Variants in ST6GALNAC5 observed in about 807,000 individuals in gnomAD.
The protein encoded by ST6GALNAC5 is alpha-N-acetylgalactosaminide alpha-2,6-sialyltransferase 5.
Under a neutral mutation model 33.6 loss-of-function variants are expected in ST6GALNAC5, and 27 were observed. The ratio of observed to expected loss-of-function variants is 0.80; its 90% confidence interval spans 0.59 to 1.11. ST6GALNAC5 has a LOEUF of 1.11. ST6GALNAC5 is among the 50% of genes least tolerant of loss of function. ST6GALNAC5 has a pLI of 0.00. For synonymous variants in ST6GALNAC5, 194 were observed against 171.2 expected (o/e 1.13, Z -1.04); for missense variants, 428 against 454.0 (o/e 0.94, Z 0.52).
At chr1:77,013,295 A>C (rs542459238) in intron 2 of ST6GALNAC5, among the ~76,000 whole-genome samples, 1 of 152,118 alleles carries the variant, frequency 6.6e-6, no homozygotes, top group Non-Finnish European at 1.5e-5. Flanking sequence ...GCACAATTTC[A>C]TGCTAATATT....
At chr1:76,922,906 C>T (rs555338608) in intron 2 of ST6GALNAC5, among the ~76,000 whole-genome samples, 2 of 150,004 alleles carry the variant, frequency 1.3e-5, no homozygotes, top group African/African-American at 2.5e-5. Flanking sequence ...ACTACACTCC[C>T]GCCTAGGTGA....
chr1:76,926,323 A>G (rs1647085196), intron 2 of ST6GALNAC5, among the ~76,000 whole-genome samples: 1 of 152,128 alleles, frequency 6.6e-6, no homozygotes, highest in Admixed American at 6.6e-5. Flanking sequence ...TAGAAAACTC[A>G]ACTATCACCC....
intron 2 of ST6GALNAC5, among the ~76,000 whole-genome samples, chr1:76,994,058 T>C (rs184631016): frequency 3.3e-5 from 5 of 152,312 alleles, no homozygotes; most frequent in African/African-American, 4.8e-5. Context: ...ATTATAAATA[T>C]ATTTTTCTTA....
rs533558445 is a variant in ST6GALNAC5, at chr1:76,890,907, T to TGATTA, written c.261+22166_261+22170dup. Among the ~76,000 whole-genome samples the TGATTA allele has an allele frequency of 1.2e-4, 18 of 152,310 alleles. No individual in the cohort carries two copies. In the South Asian group the frequency reaches 3.5e-3, roughly 30 times the overall value. ...AGATATTCTCAAGTGAGAAAGTGAA[T>TGATTA]GATTATATTGAGAGGTTGGCAGCAA... is the stretch of plus-strand genomic sequence containing the variant. On this transcript the variant is annotated intron_variant, in intron 2 of 4. Transcript: ENST00000477717.
At chr1:76,896,739 T>C (rs923145935) in intron 2 of ST6GALNAC5, among the ~76,000 whole-genome samples, 6 of 152,164 alleles carry the variant, frequency 3.9e-5, no homozygotes, top group African/African-American at 1.4e-4. Context: ...GCAGAAAGTA[T>C]ATGCATCAGG....
chr1:76,935,284 A>C (rs1647189264), intron 2 of ST6GALNAC5, among the ~76,000 whole-genome samples: 2 of 152,122 alleles, frequency 1.3e-5, no homozygotes, highest in Non-Finnish European at 2.9e-5. Context: ...AAAGGAAAGT[A>C]ATACAATGTC....
chr1:76,975,050 C>G (rs55839242), intron 2 of ST6GALNAC5, among the ~76,000 whole-genome samples: 4,112 of 151,948 alleles, frequency 0.027, 177 homozygotes, highest in African/African-American at 0.09. Context: ...GCCTCCCAAA[C>G]TGCTGGGATT....
intron 2 of ST6GALNAC5, among the ~76,000 whole-genome samples, chr1:76,987,430 C>CA (rs1444351163): frequency 6.6e-6 from 1 of 152,016 alleles, no homozygotes; most frequent in African/African-American, 2.4e-5. Context: ...TTCAAAAAGA[C>CA]AAAAAATAAC....
intron 2 of ST6GALNAC5, among the ~76,000 whole-genome samples, chr1:76,965,020 G>A (rs906377936): frequency 6.6e-6 from 1 of 152,140 alleles, no homozygotes; most frequent in Admixed American, 6.5e-5. Context: ...ATGGAAATTT[G>A]GGTTGGTTCC....
At chr1:76,970,709 C>T (rs1648715152) in intron 2 of ST6GALNAC5, among the ~76,000 whole-genome samples, 1 of 152,106 alleles carries the variant, frequency 6.6e-6, no homozygotes, top group Admixed American at 6.6e-5. Context: ...ACAGAGAACA[C>T]CACAAAGATA....
At chr1:77,006,036 C>T (rs888797606) in intron 2 of ST6GALNAC5, among the ~76,000 whole-genome samples, 3 of 152,264 alleles carry the variant, frequency 2.0e-5, no homozygotes, top group Admixed American at 6.5e-5. Flanking sequence ...TGAGCCCATG[C>T]TTTCAGTTTT....
At chr1:76,873,493 A>T (rs1487996800) in intron 2 of ST6GALNAC5, among the ~76,000 whole-genome samples, 2 of 152,212 alleles carry the variant, frequency 1.3e-5, no homozygotes, top group Non-Finnish European at 2.9e-5. Flanking sequence ...CACAATAAGT[A>T]TGTATGGAAA....
At chr1:76,959,783 GT>G (rs1440127419) in intron 2 of ST6GALNAC5, among the ~76,000 whole-genome samples, 1 of 152,136 alleles carries the variant, frequency 6.6e-6, no homozygotes, top group Non-Finnish European at 1.5e-5. Flanking sequence ...CTCCACTAAC[GT>G]TTCAGCTTCT....
chr1:77,026,494 T>C (rs1040435330), intron 2 of ST6GALNAC5, among the ~76,000 whole-genome samples: 1 of 151,280 alleles, frequency 6.6e-6, no homozygotes, highest in African/African-American at 2.4e-5. Context: ...CTTGTGGAGG[T>C]GTCATTGAGA....
At chr1:76,958,338 C>T (rs903065820) in intron 2 of ST6GALNAC5, among the ~76,000 whole-genome samples, 1 of 152,184 alleles carries the variant, frequency 6.6e-6, no homozygotes, top group African/African-American at 2.4e-5. Context: ...ACATTTAACT[C>T]AGTCCGGCAG....
intron 2 of ST6GALNAC5, among the ~76,000 whole-genome samples, chr1:76,939,726 C>G (rs1647282915): frequency 6.6e-6 from 1 of 152,110 alleles, no homozygotes; most frequent in Non-Finnish European, 1.5e-5. Flanking sequence ...TTCATTCATT[C>G]CACAACTATT....
intron 2 of ST6GALNAC5, among the ~76,000 whole-genome samples, chr1:76,965,844 G>A (rs1461536061): frequency 1.3e-5 from 2 of 152,278 alleles, no homozygotes; most frequent in South Asian, 2.1e-4. Context: ...AGTTTTCCCA[G>A]CACCATTTAT....
intron 4 of ST6GALNAC5, among the ~76,000 whole-genome samples, chr1:77,060,604 T>C (rs569822343): frequency 6.6e-6 from 1 of 152,266 alleles, no homozygotes; most frequent in African/African-American, 2.4e-5. Flanking sequence ...CTCGCTTACA[T>C]GAATAACTTA....
chr1:76,983,593 TA>T, intron 2 of ST6GALNAC5, among the ~76,000 whole-genome samples: 1 of 152,194 alleles, frequency 6.6e-6, no homozygotes, highest in East Asian at 1.9e-4. Flanking sequence ...CTGTCAATAT[TA>T]GACAGATCAA....
Sources: gnomAD v4.1 joint callset for allele counts (sites outside exome capture counted in the v4.1 genomes callset) on GRCh38, gnomAD v4.1.1 for gene constraint, MANE v1.5 for transcripts, NCBI Gene and HGNC (gene_info 2026-07-23, HGNC 2026-07-21) for gene names.